Variants in B3GALT1 observed in about 807,000 individuals in gnomAD.
B3GALT1 encodes the protein beta-1,3-galactosyltransferase 1.
B3GALT1 carries 10 observed loss-of-function variants against 23.2 expected under a neutral mutation model. The observed-to-expected ratio is 0.43, with a 90% CI of 0.27 to 0.73. The LOEUF (loss-of-function observed/expected upper bound fraction) is 0.73, where lower values mean the gene tolerates loss of function less well. Among genes scored for constraint, B3GALT1 ranks in the 30% least tolerant of loss-of-function variants. The probability of loss-of-function intolerance (pLI) is 0.21; values close to 1 mark genes in which losing one functional copy is unlikely to be tolerated. For synonymous variants in B3GALT1, 156 were observed against 141.5 expected, an observed-to-expected ratio of 1.10 and a Z score of -0.73; for missense variants, 299 against 405.4, an observed-to-expected ratio of 0.74 and a Z score of 2.25.
chr2:167,473,890 C>T (rs1256284577), intron 1 of B3GALT1, among the ~76,000 whole-genome samples: 1 of 152,022 alleles, frequency 6.6e-6, no homozygotes, highest in Non-Finnish European at 1.5e-5. Context: ...CGTAGAGACA[C>T]GTGAAGTAAT....
chr2:167,841,655 G>C (rs922425000), intron 4 of B3GALT1, among the ~76,000 whole-genome samples: 1 of 152,214 alleles, frequency 6.6e-6, no homozygotes, highest in African/African-American at 2.4e-5. Context: ...TCTCCTAAGA[G>C]AGTAAGGAGC....
chr2:167,783,029 G>A (rs186408638), intron 3 of B3GALT1, among the ~76,000 whole-genome samples: 10 of 152,118 alleles, frequency 6.6e-5, no homozygotes, highest in Admixed American at 1.3e-4. Context: ...ATGGTGAATC[G>A]GCAGAGAACA....
At chr2:167,432,461 C>A (rs1249949257) in intron 1 of B3GALT1, among the ~76,000 whole-genome samples, 1 of 152,224 alleles carries the variant, frequency 6.6e-6, no homozygotes. Flanking sequence ...CATGCAGAGA[C>A]AAAGTTGGCC....
chr2:167,362,503 CTT>C (rs1697514003), intron 1 of B3GALT1, among the ~76,000 whole-genome samples: 1 of 152,120 alleles, frequency 6.6e-6, no homozygotes, highest in African/African-American at 2.4e-5. Context: ...ATGAGATTCT[CTT>C]TTGATTCATT....
intron 1 of B3GALT1, among the ~76,000 whole-genome samples, chr2:167,380,709 T>C (rs1261490406): frequency 6.6e-6 from 1 of 152,156 alleles, no homozygotes; most frequent in Non-Finnish European, 1.5e-5. Context: ...CCAAGTTTGT[T>C]CCAGGGCGTG....
intron 2 of B3GALT1, among the ~76,000 whole-genome samples, chr2:167,635,213 G>A (rs1406543001): frequency 6.6e-6 from 1 of 152,074 alleles, no homozygotes; most frequent in East Asian, 1.9e-4. Flanking sequence ...AAAAATAAGA[G>A]CTATTTATGA....
chr2:167,656,503 A>G (rs1349951893), intron 3 of B3GALT1, among the ~76,000 whole-genome samples: 2 of 152,186 alleles, frequency 1.3e-5, no homozygotes, highest in Non-Finnish European at 2.9e-5. Context: ...CCTCTTTTAC[A>G]TGCATTTTCC....
rs1022856987 is a variant in B3GALT1, at chr2:167,808,370, G to C, written c.-351-10302G>C. On this transcript the variant is annotated intron_variant, in intron 3 of 4. Coordinates refer to ENST00000392690, the MANE Select transcript of B3GALT1 (RefSeq NM_020981.4). ...ATGATGTTAGCTGGTTATTTTGCTC[G>C]TTAGTTGATGCAGTTTCTTCCTAGC... Among the ~76,000 whole-genome samples, 14 of 151,592 alleles carry C rather than the reference G, an allele frequency of 9.2e-5. No individual in the cohort carries two copies. The East Asian group carries it at 1.7e-3, about 19-fold the overall frequency.
chr2:167,621,114 G>C (rs1332011725), intron 2 of B3GALT1, among the ~76,000 whole-genome samples: 5 of 131,010 alleles, frequency 3.8e-5, no homozygotes, highest in African/African-American at 1.4e-4. Flanking sequence ...TTTGAGGCAG[G>C]GTCTAATGTT....
chr2:167,502,762 G>A (rs1219115353), intron 2 of B3GALT1, among the ~76,000 whole-genome samples: 2 of 152,180 alleles, frequency 1.3e-5, no homozygotes, highest in East Asian at 1.9e-4. Flanking sequence ...ACATGAGGCC[G>A]GGCACTGTGG....
intron 1 of B3GALT1, among the ~76,000 whole-genome samples, chr2:167,378,739 T>C (rs1364975543): frequency 1.3e-5 from 2 of 152,160 alleles, no homozygotes; most frequent in African/African-American, 4.8e-5. Context: ...AGAAGTTTCT[T>C]TGTGTTGATT....
intron 1 of B3GALT1, among the ~76,000 whole-genome samples, chr2:167,396,532 ATATG>A (rs761964825): frequency 0.037 from 2,956 of 79,550 alleles, 54 homozygotes; most frequent in Non-Finnish European, 0.046. Context: ...ATATATATAT[ATATG>A]TGTGTGTGTG....
At chr2:167,848,447 G>A (rs1195038910) in intron 4 of B3GALT1, among the ~76,000 whole-genome samples, 4 of 152,130 alleles carry the variant, frequency 2.6e-5, no homozygotes, top group Non-Finnish European at 4.4e-5. Flanking sequence ...ACATATGCAA[G>A]TCAACAAATG....
At chr2:167,464,680 C>A (rs751402300) in intron 1 of B3GALT1, among the ~76,000 whole-genome samples, 3 of 152,110 alleles carry the variant, frequency 2.0e-5, no homozygotes, top group Non-Finnish European at 4.4e-5. Context: ...CCTAAAGTTT[C>A]CTAACCTCCA....
At chr2:167,346,441 T>C (rs2105251720) in intron 1 of B3GALT1, among the ~76,000 whole-genome samples, 1 of 152,336 alleles carries the variant, frequency 6.6e-6, no homozygotes, top group Non-Finnish European at 1.5e-5. Flanking sequence ...AAGTATCACC[T>C]AATACCAACT....
At chr2:167,480,956 T>C (rs1318436241) in intron 1 of B3GALT1, among the ~76,000 whole-genome samples, 1 of 152,190 alleles carries the variant, frequency 6.6e-6, no homozygotes, top group Non-Finnish European at 1.5e-5. Flanking sequence ...ACTTATCTTT[T>C]CCACCTTCAC....
At chr2:167,728,280 G>A (rs1192109059) in intron 3 of B3GALT1, among the ~76,000 whole-genome samples, 3 of 152,106 alleles carry the variant, frequency 2.0e-5, no homozygotes, top group Non-Finnish European at 4.4e-5. Context: ...TCAGCTACTC[G>A]GGAGGCTGAG....
rs148250645 is a variant in B3GALT1 at position 167,869,689 on chromosome 2, G to A, written c.650G>A (p.Arg217His). 262 of 1,614,070 alleles carry A rather than the reference G, an allele frequency of 1.6e-4. No homozygotes were observed. The East Asian group carries it at 4.0e-3, about 25-fold the overall frequency. The change falls in exon 5 of 5, where the codon CGC (arginine) becomes CAC (histidine). Residue 217 changes from arginine (R) to histidine (H), a missense_variant. Coordinates refer to ENST00000392690, the MANE Select transcript of B3GALT1 (RefSeq NM_020981.4). The surrounding 1 kb of genome is among the most constrained non-coding windows in gnomAD (Gnocchi z 6.4). ...AATGGAGGACCGATTCGGGATGTCCGCAGTAAGTGGTATATGCCCAGGGAT... is the reference window on the plus strand; with the variant it reads ...AATGGAGGACCGATTCGGGATGTCCACAGTAAGTGGTATATGCCCAGGGAT... ...VINGGPIRDV[R>H]SKWYMPRDLY... is the part of the protein sequence containing the mutation.
intron 1 of B3GALT1, among the ~76,000 whole-genome samples, chr2:167,365,410 A>G (rs1574050210): frequency 6.6e-6 from 1 of 152,132 alleles, no homozygotes; most frequent in Non-Finnish European, 1.5e-5. Context: ...AGCTTATTCC[A>G]CTGTGAAAGG....
Sources: gnomAD v4.1 joint callset for allele counts (sites outside exome capture counted in the v4.1 genomes callset) on GRCh38, gnomAD v4.1.1 for gene constraint, Gnocchi (gnomAD v3.1) non-coding constraint, MANE v1.5 for transcripts, NCBI Gene and HGNC (gene_info 2026-07-23, HGNC 2026-07-21) for gene names.